The following FHIT variants were observed in gnomAD, a reference collection of about 807,000 sequenced individuals.
FHIT encodes bis(5'-adenosyl)-triphosphatase.
A neutral mutation model predicts 17.9 loss-of-function variants in FHIT; 19 were observed. The ratio of observed to expected loss-of-function variants is 1.06; its 90% CI spans 0.74 to 1.56. FHIT has a LOEUF of 1.56. Ranked by LOEUF, FHIT falls within the 40% of genes most tolerant of loss-of-function variation. FHIT has a pLI of 0.00. For missense variants in FHIT, 248 were observed against 189.2 expected (o/e 1.31, Z -1.82); for synonymous variants, 81 against 69.7 (o/e 1.16, Z -0.81).
chr3:60,705,872 T>G (rs1735460), intron 4 of FHIT, among the ~76,000 whole-genome samples: 3 of 152,174 alleles, frequency 2.0e-5, no homozygotes, highest in African/African-American at 7.2e-5. Context: ...ACCTCTCTGT[T>G]GTATAATAAA....
intron 2 of FHIT, among the ~76,000 whole-genome samples, chr3:61,081,024 A>G (rs1181299062): frequency 1.3e-5 from 2 of 152,174 alleles, no homozygotes; most frequent in Non-Finnish European, 2.9e-5. Context: ...GGCGGCCTGG[A>G]GAGAAGCATC....
chr3:61,205,156 A>G (rs1003634883), intron 1 of FHIT, among the ~76,000 whole-genome samples: 3 of 152,004 alleles, frequency 2.0e-5, no homozygotes, highest in African/African-American at 7.3e-5. Context: ...TGAACTCATC[A>G]TTTTTTATGG....
intron 5 of FHIT, among the ~76,000 whole-genome samples, chr3:60,384,101 C>T (rs1241908307): frequency 1.3e-5 from 2 of 151,922 alleles, no homozygotes; most frequent in Non-Finnish European, 2.9e-5. Context: ...AACCCCGTCG[C>T]TACTAAAATA....
At chr3:61,006,061 G>A (rs2031425334) in intron 3 of FHIT, among the ~76,000 whole-genome samples, 2 of 148,854 alleles carry the variant, frequency 1.3e-5, no homozygotes, top group South Asian at 4.2e-4. Context: ...TTACCACCAT[G>A]CTTAAAACAA....
At chr3:60,396,655 G>C (rs539635725) in intron 5 of FHIT, among the ~76,000 whole-genome samples, 6 of 152,276 alleles carry the variant, frequency 3.9e-5, no homozygotes, top group Admixed American at 3.9e-4. Flanking sequence ...ATGGGAGAAT[G>C]AGGAGAAACT....
At chr3:59,910,448 G>A (rs1273606130) in intron 8 of FHIT, among the ~76,000 whole-genome samples, 6 of 152,124 alleles carry the variant, frequency 3.9e-5, no homozygotes, top group Non-Finnish European at 8.8e-5. Flanking sequence ...TGATTTGGGG[G>A]CCCCAAGATT....
intron 5 of FHIT, among the ~76,000 whole-genome samples, chr3:60,215,536 C>G (rs773898207): frequency 5.9e-5 from 9 of 151,986 alleles, no homozygotes; most frequent in Non-Finnish European, 1.0e-4. Context: ...GCAGTCCAGC[C>G]TGGGTGACAG....
chr3:61,208,954 C>G (rs1001012460), intron 1 of FHIT, among the ~76,000 whole-genome samples: 20 of 151,954 alleles, frequency 1.3e-4, no homozygotes, highest in Admixed American at 2.0e-4. Context: ...GTGGCTGGTA[C>G]TGGTTGTTCC....
intron 8 of FHIT, among the ~76,000 whole-genome samples, chr3:59,905,477 A>G (rs1041175906): frequency 1.3e-5 from 2 of 152,226 alleles, no homozygotes; most frequent in African/African-American, 4.8e-5. Flanking sequence ...GTATGTCTGT[A>G]TAAACCTAAC....
In FHIT at chr3:60,518,936, G is replaced by C. The variant is rs551112310; in HGVS notation, c.103+17924C>G. ...GAGAATTGCTTGAACCCAGGAGGTGGAGGTTGCAGTGAGCACCGAGGTGGC... is the reference window on the plus strand; with the variant it reads ...GAGAATTGCTTGAACCCAGGAGGTGCAGGTTGCAGTGAGCACCGAGGTGGC... On this transcript the variant is annotated intron_variant, in intron 5 of 9. Coordinates refer to ENST00000492590, the MANE Select transcript of FHIT (RefSeq NM_002012.4). Among the ~76,000 whole-genome samples the C allele has an allele frequency of 1.9e-3, 296 of 152,344 alleles. 3 individuals carry two copies. The highest frequency in any genetic ancestry group is 6.8e-3 in the Middle Eastern group (2 of 294).
At chr3:60,472,875 G>A (rs373730) in intron 5 of FHIT, among the ~76,000 whole-genome samples, 6,733 of 152,084 alleles carry the variant, frequency 0.044, 191 homozygotes, top group Middle Eastern at 0.1. Context: ...AGTAATTATC[G>A]TATCTCAATT....
At chr3:60,669,080 G>C (rs2040451278) in intron 4 of FHIT, among the ~76,000 whole-genome samples, 1 of 152,136 alleles carries the variant, frequency 6.6e-6, no homozygotes, top group Non-Finnish European at 1.5e-5. Context: ...CCACGGATTT[G>C]AAACATCTTG....
At chr3:60,526,195 G>T (rs1004969322) in intron 5 of FHIT, among the ~76,000 whole-genome samples, 1 of 151,068 alleles carries the variant, frequency 6.6e-6, no homozygotes, top group African/African-American at 2.4e-5. Flanking sequence ...CCCTGGTCTA[G>T]CTCCAGTTCC....
At chr3:59,858,166 T>C (rs1702250593) in intron 8 of FHIT, among the ~76,000 whole-genome samples, 1 of 151,990 alleles carries the variant, frequency 6.6e-6, no homozygotes, top group African/African-American at 2.4e-5. Flanking sequence ...GTGAAAGGTG[T>C]ATGGGAGTTT....
chr3:60,632,274 T>C (rs1338023770), intron 4 of FHIT, among the ~76,000 whole-genome samples: 1 of 152,124 alleles, frequency 6.6e-6, no homozygotes, highest in Non-Finnish European at 1.5e-5. Context: ...TGCCAGGAGT[T>C]CTACTCACTC....
chr3:60,581,386 T>C (rs985217982), intron 4 of FHIT, among the ~76,000 whole-genome samples: 1 of 152,130 alleles, frequency 6.6e-6, no homozygotes, highest in Non-Finnish European at 1.5e-5. Context: ...ATATGCTGTC[T>C]TGATACTGTA....
rs1229905192 is a variant in FHIT at position 60,141,853 on chromosome 3, A to ACTGG, written c.104-127705_104-127702dup. Among the ~76,000 whole-genome samples, 6 of 152,212 alleles carry ACTGG rather than the reference A, an allele frequency of 3.9e-5. No individual in the cohort carries two copies. In the South Asian group the frequency reaches 1.2e-3, roughly 31 times the overall value. The stretch of plus-strand genomic sequence containing the variant: ...GGACAGTTGCGCTAAACATATCTGT[A>ACTGG]CTGGTAACAGTGATTCATAAACCAT... On this transcript the variant is annotated intron_variant, in intron 5 of 9. Coordinates refer to ENST00000492590, the MANE Select transcript of FHIT (RefSeq NM_002012.4).
chr3:59,757,164 G>A (rs1454815776), intron 8 of FHIT, among the ~76,000 whole-genome samples: 1 of 152,124 alleles, frequency 6.6e-6, no homozygotes, highest in African/African-American at 2.4e-5. Context: ...AGTCAAAACG[G>A]TTTTCACAGA....
intron 3 of FHIT, among the ~76,000 whole-genome samples, chr3:60,942,331 C>T (rs1360625794): frequency 1.3e-5 from 2 of 152,114 alleles, no homozygotes; most frequent in African/African-American, 4.8e-5. Flanking sequence ...TTTTCATTCT[C>T]AGAAGCCAGA....
Sources: allele counts gnomAD v4.1 joint callset (sites outside exome capture counted in the v4.1 genomes callset), GRCh38; gene constraint gnomAD v4.1.1; transcripts MANE v1.5; gene names NCBI Gene and HGNC (gene_info 2026-07-23, HGNC 2026-07-21).